The following INPP4B variants were observed in gnomAD, a reference collection of about 807,000 sequenced individuals.
INPP4B encodes the protein inositol polyphosphate-4-phosphatase type II B.
In INPP4B, 55 loss-of-function variants were observed where a neutral mutation model predicts 122.5. The ratio of observed to expected loss-of-function variants is 0.45; its 90% confidence interval spans 0.36 to 0.56. The LOEUF (loss-of-function observed/expected upper bound fraction) is 0.56. INPP4B is among the 20% of genes least tolerant of loss of function. The pLI is 0.00. For synonymous variants in INPP4B, 403 were observed against 388.7 expected (o/e 1.04, Z -0.43); for missense variants, 1,000 against 1,097.7 (o/e 0.91, Z 1.26).
At chr4:142,602,556 C>T (rs776685750) in intron 2 of INPP4B, among the ~76,000 whole-genome samples, 8 of 152,002 alleles carry the variant, frequency 5.3e-5, no homozygotes, top group African/African-American at 1.7e-4. Flanking sequence ...GGCCAGAGGA[C>T]GTGAACAGAC....
chr4:142,537,703 T>A (rs1828450803), intron 2 of INPP4B, among the ~76,000 whole-genome samples: 1 of 150,274 alleles, frequency 6.7e-6, no homozygotes. Context: ...AACACTTTGC[T>A]TATATATGTG....
At chr4:142,118,866 A>C (rs2152736400) in intron 21 of INPP4B, among the ~76,000 whole-genome samples, 1 of 152,288 alleles carries the variant, frequency 6.6e-6, no homozygotes, top group East Asian at 1.9e-4. Flanking sequence ...CAACCTACAG[A>C]ATTGGAGAAA....
intron 7 of INPP4B, among the ~76,000 whole-genome samples, chr4:142,351,808 G>A (rs535141099): frequency 6.6e-6 from 1 of 151,840 alleles, no homozygotes; most frequent in African/African-American, 2.4e-5. Context: ...TTAAGAGTTG[G>A]GGTTAAAATG....
chr4:142,700,444 A>C (rs916207970), intron 2 of INPP4B, among the ~76,000 whole-genome samples: 1 of 152,196 alleles, frequency 6.6e-6, no homozygotes, highest in Non-Finnish European at 1.5e-5. Flanking sequence ...AACTCAATCT[A>C]TAGGAATTGA....
chr4:142,602,041 A>G (rs1740120914), intron 2 of INPP4B, among the ~76,000 whole-genome samples: 2 of 151,982 alleles, frequency 1.3e-5, no homozygotes, highest in Admixed American at 1.3e-4. Flanking sequence ...TAAATAAAAC[A>G]GAGATTTAAA....
intron 2 of INPP4B, among the ~76,000 whole-genome samples, chr4:142,675,487 T>C (rs555932115): frequency 2.2e-4 from 33 of 152,284 alleles, no homozygotes; most frequent in African/African-American, 7.5e-4. Context: ...GAATCCTCCA[T>C]AATTCATTTT....
At chr4:142,196,653 G>A (rs1288488260) in intron 14 of INPP4B, among the ~76,000 whole-genome samples, 1 of 152,020 alleles carries the variant, frequency 6.6e-6, no homozygotes, top group East Asian at 1.9e-4. Context: ...TAGCCTCTCT[G>A]CATCCACAAT....
At chr4:142,579,891 A>G (rs201698415) in intron 2 of INPP4B, among the ~76,000 whole-genome samples, 206 of 140,792 alleles carry the variant, frequency 1.5e-3, no homozygotes, top group African/African-American at 4.0e-3. Context: ...AGATAGATAG[A>G]TAGATAGATA....
chr4:142,714,354 G>A (rs576451489), intron 2 of INPP4B, among the ~76,000 whole-genome samples: 225 of 152,260 alleles, frequency 1.5e-3, no homozygotes, highest in Non-Finnish European at 2.5e-3. Context: ...CTTACTTTCT[G>A]CACTTTCCTC....
At chr4:142,439,844 C>T (rs1238948767) in intron 3 of INPP4B, among the ~76,000 whole-genome samples, 1 of 152,136 alleles carries the variant, frequency 6.6e-6, no homozygotes, top group African/African-American at 2.4e-5. Flanking sequence ...AGATACATTC[C>T]TAATTGACAT....
intron 11 of INPP4B, among the ~76,000 whole-genome samples, chr4:142,242,930 T>A (rs546418388): frequency 1.3e-5 from 2 of 152,120 alleles, no homozygotes; most frequent in African/African-American, 2.4e-5. Context: ...TCTCTTTTTT[T>A]CCTCCTGCAC....
intron 21 of INPP4B, among the ~76,000 whole-genome samples, chr4:142,114,651 T>C (rs1231647778): frequency 1.3e-5 from 2 of 152,132 alleles, no homozygotes; most frequent in Non-Finnish European, 2.9e-5. Context: ...TTTATTTACA[T>C]ATTCTGAATA....
At chr4:142,636,718 T>C (rs1272866151) in intron 2 of INPP4B, among the ~76,000 whole-genome samples, 1 of 152,122 alleles carries the variant, frequency 6.6e-6, no homozygotes, top group African/African-American at 2.4e-5. Context: ...CTTAAAATCA[T>C]ACAAGCAGAA....
At chr4:142,750,082 T>C (rs1417961070) in intron 1 of INPP4B, among the ~76,000 whole-genome samples, 1 of 151,996 alleles carries the variant, frequency 6.6e-6, no homozygotes, top group Non-Finnish European at 1.5e-5. Context: ...AGACAATAAC[T>C]TGACTCTTCA....
At chr4:142,238,384 A>G (rs1485110929) in intron 11 of INPP4B, among the ~76,000 whole-genome samples, 1 of 152,096 alleles carries the variant, frequency 6.6e-6, no homozygotes, top group Non-Finnish European at 1.5e-5. Context: ...TGTGTCTACA[A>G]ACATACATTA....
intron 1 of INPP4B, among the ~76,000 whole-genome samples, chr4:142,748,560 C>T (rs989892298): frequency 2.0e-5 from 3 of 151,426 alleles, no homozygotes; most frequent in African/African-American, 7.3e-5. Flanking sequence ...AGTGATTCTA[C>T]AGATATTAAA....
intron 2 of INPP4B, among the ~76,000 whole-genome samples, chr4:142,704,454 G>GT (rs1560979385): frequency 2.0e-5 from 3 of 152,144 alleles, no homozygotes; most frequent in Admixed American, 2.0e-4. Context: ...AACAAGACAT[G>GT]TGTGGCCTCT....
chr4:142,825,947 C>G (rs1781399021), intron 1 of INPP4B, among the ~76,000 whole-genome samples: 1 of 152,104 alleles, frequency 6.6e-6, no homozygotes. Context: ...TTTGTCTTAT[C>G]TCGTGTTTTT....
intron 2 of INPP4B, among the ~76,000 whole-genome samples, chr4:142,634,210 T>C (rs1748616498): frequency 6.6e-6 from 1 of 152,186 alleles, no homozygotes; most frequent in Non-Finnish European, 1.5e-5. Context: ...AGACCCATAA[T>C]AAAAACTCCA....
Sources: gnomAD v4.1 joint callset for allele counts (sites outside exome capture counted in the v4.1 genomes callset) on GRCh38, gnomAD v4.1.1 for gene constraint, MANE v1.5 for transcripts, NCBI Gene and HGNC (gene_info 2026-07-23, HGNC 2026-07-21) for gene names.